AGAP1: variants seen among roughly 807,000 people sequenced by gnomAD.
AGAP1 encodes the protein ArfGAP with GTPase domain, ankyrin repeat and PH domain 1.
A neutral mutation model predicts 105.3 loss-of-function variants in AGAP1; 29 were observed. The ratio of observed to expected loss-of-function variants is 0.28; its 90% confidence interval spans 0.21 to 0.38. The LOEUF is 0.38. Ranked by LOEUF, AGAP1 falls within the 10% of genes least tolerant of loss-of-function variation. The probability of loss-of-function intolerance (pLI) is 1.00; values close to 1 mark genes in which losing one functional copy is unlikely to be tolerated. For missense variants in AGAP1, 998 were observed against 1,165.1 expected, an observed-to-expected ratio of 0.86 and a Z score of 2.09; for synonymous variants, 509 against 485.9, an observed-to-expected ratio of 1.05 and a Z score of -0.63.
rs1487136025 is a variant in AGAP1, at chr2:236,126,862, C to G, written c.*2740C>G. On this transcript the variant is annotated 3_prime_UTR_variant, in exon 18 of 18. Transcript: ENST00000304032. ...AAGTCCTTTCTTTGCGGACCGCACT[C>G]TCGTTCCCACTTTCAAGCTAATTAC... 2 of 152,238 alleles carry G rather than the reference C, an allele frequency of 1.3e-5. No individual in the cohort carries two copies. The highest frequency in any genetic ancestry group is 2.9e-5 in the Non-Finnish European group (2 of 68,066). The allele number at this position is 152,238 out of a possible 1,614,324, so 9.4% of individuals were successfully genotyped here.
chr2:236,083,137 G>A lies in AGAP1; in HGVS notation c.2114+33856G>A, dbSNP rs1181930482. 6.6e-6 allele frequency among the ~76,000 whole-genome samples: 1 copy of A among 151,294 alleles called. No individual in the cohort carries two copies. On this transcript the variant is annotated intron_variant, in intron 16 of 17. Transcript: ENST00000304032. This position sits in a 1 kb window ranked among gnomAD's most constrained non-coding sequence, Gnocchi z 5.3. ...GCCATTGCACTCCAGCCTAGGCAAC[G>A]AGCGAAATTCCATCTCAAAAAAAAA...
In AGAP1 at chr2:236,114,218, T is replaced by G. The variant is rs1456580132; in HGVS notation, c.2115-5974T>G. The stretch of plus-strand genomic sequence containing the variant: ...CGGCTGCCTGCTCTTGAACTGGCCT[T>G]CCTTGGGGAAAATGAAAGGCTCAGC... On this transcript the variant is annotated intron_variant, in intron 16 of 17. Transcript: ENST00000304032. The surrounding 1 kb of genome is among the most constrained non-coding windows in gnomAD (Gnocchi z 5.0). 6.6e-6 allele frequency among the ~76,000 whole-genome samples: 1 copy of G among 152,090 alleles called. No homozygotes were observed.
chr2:235,694,909 G>T (rs535579392), intron 1 of AGAP1, among the ~76,000 whole-genome samples: 1 of 152,174 alleles, frequency 6.6e-6, no homozygotes, highest in East Asian at 1.9e-4. Context: ...CGGCTTCTTC[G>T]CAGTTTCACC....
Position 235,989,936 on chromosome 2 carries a change from C to A in AGAP1, c.1645+21313C>A, listed in dbSNP as rs1211769737. Among the ~76,000 whole-genome samples the A allele has an allele frequency of 4.6e-5, 7 of 152,038 alleles. No individual in the cohort carries two copies. The highest frequency in any genetic ancestry group is 1.0e-4 in the Non-Finnish European group (7 of 68,014). Reference sequence around the variant, plus strand: ...AGCAATCTGGACAGTTTAGATCATTCAAATGCGTAGCCGGGGTTGGGAACC... The same window carrying A: ...AGCAATCTGGACAGTTTAGATCATTAAAATGCGTAGCCGGGGTTGGGAACC... On this transcript the variant is annotated intron_variant, in intron 13 of 17. Coordinates refer to ENST00000304032, the MANE Select transcript of AGAP1 (RefSeq NM_001037131.3). The surrounding 1 kb of genome is among the most constrained non-coding windows in gnomAD (Gnocchi z 4.4).
At chr2:236,077,665 G>A (rs528013419) in intron 16 of AGAP1, among the ~76,000 whole-genome samples, 64 of 152,188 alleles carry the variant, frequency 4.2e-4, no homozygotes, top group African/African-American at 1.3e-3. Context: ...ACAATAATCC[G>A]TCCATGGTTG....
rs755517826 is a variant in AGAP1, at chr2:235,981,576, CAG to C, written c.1645+12955_1645+12956del. Among the ~76,000 whole-genome samples the C allele has an allele frequency of 9.9e-5, 15 of 152,084 alleles. No homozygotes were observed. The highest frequency in any genetic ancestry group is 2.2e-4 in the Non-Finnish European group (15 of 68,016). On this transcript the variant is annotated intron_variant, in intron 13 of 17. Transcript: ENST00000304032. This position sits in a 1 kb window ranked among gnomAD's most constrained non-coding sequence, Gnocchi z 5.5. ...TTCAAAGAGGAAATCAATCACGAAA[CAG>C]AAACTCAGAGTTGACAATCTATTAG...
intron 1 of AGAP1, among the ~76,000 whole-genome samples, chr2:235,685,891 A>G (rs78420957): frequency 0.017 from 2,631 of 152,240 alleles, 68 homozygotes; most frequent in African/African-American, 0.059. Context: ...TGAGACACCA[A>G]TCAATACATG....
intron 1 of AGAP1, among the ~76,000 whole-genome samples, chr2:235,527,118 A>T (rs1439303361): frequency 1.3e-5 from 2 of 152,130 alleles, no homozygotes; most frequent in Non-Finnish European, 2.9e-5. Context: ...CAGTAGAAAT[A>T]GATAAAGGAT....
At chr2:236,049,872 A>G (rs2057844656) in intron 16 of AGAP1, 1 of 152,558 alleles carries the variant, frequency 6.6e-6, no homozygotes, top group Non-Finnish European at 1.5e-5. Flanking sequence ...ATTTACAGCT[A>G]TTATAAACTG....
rs1417709051 is a variant in AGAP1, at chr2:235,957,465, CT to C, written c.1484-10996del. ...GCCCCCTGCCGTGTCCCCGCTGCCC[CT>C]CTGACATTGTGTACCTCTGTGTGAG... On this transcript the variant is annotated intron_variant, in intron 12 of 17. Coordinates refer to ENST00000304032, the MANE Select transcript of AGAP1 (RefSeq NM_001037131.3). The surrounding 1 kb of genome is among the most constrained non-coding windows in gnomAD (Gnocchi z 4.6). Among the ~76,000 whole-genome samples the C allele has an allele frequency of 6.6e-6, 1 of 152,210 alleles. No individual in the cohort carries two copies. The highest frequency in any genetic ancestry group is 1.5e-5 in the Non-Finnish European group (1 of 68,036).
intron 1 of AGAP1, among the ~76,000 whole-genome samples, chr2:235,588,280 TAAATG>T (rs1219543793): frequency 5.3e-5 from 8 of 151,964 alleles, no homozygotes; most frequent in Non-Finnish European, 7.4e-5. Context: ...CTGCCAGTGT[TAAATG>T]AAAATTGTTA....
chr2:235,668,276 T>A (rs763866487), intron 1 of AGAP1, among the ~76,000 whole-genome samples: 10 of 152,242 alleles, frequency 6.6e-5, no homozygotes, highest in Non-Finnish European at 4.4e-5. Context: ...AAATCTAGAT[T>A]TCCTAGGCTA....
chr2:235,509,645 A>G (rs1246568800), intron 1 of AGAP1, among the ~76,000 whole-genome samples: 1 of 151,884 alleles, frequency 6.6e-6, no homozygotes, highest in Non-Finnish European at 1.5e-5. Flanking sequence ...CCCGACCCCA[A>G]CACTTCCTCA....
chr2:235,685,180 T>C (rs1253656194), intron 1 of AGAP1, among the ~76,000 whole-genome samples: 1 of 152,016 alleles, frequency 6.6e-6, no homozygotes, highest in African/African-American at 2.4e-5. Context: ...CTTTCTTTAT[T>C]ACCCTGATGA....
Position 236,103,094 on chromosome 2 carries a change from G to C in AGAP1, c.2115-17098G>C, listed in dbSNP as rs2059400124. 3.4e-5 allele frequency among the ~76,000 whole-genome samples: 5 copies of C among 146,698 alleles called. No individual in the cohort carries two copies. The South Asian group carries it at 1.1e-3, about 31-fold the overall frequency. ...GCCTGCATTCTGACCGTGACTCCCA[G>C]AAGACTCAGCCCCCTGCACAGCGCC... On this transcript the variant is annotated intron_variant, in intron 16 of 17. Coordinates refer to ENST00000304032, the MANE Select transcript of AGAP1 (RefSeq NM_001037131.3).
At chr2:235,972,528 A>T (rs1427775964) in intron 13 of AGAP1, among the ~76,000 whole-genome samples, 4 of 152,102 alleles carry the variant, frequency 2.6e-5, no homozygotes, top group African/African-American at 9.7e-5. Context: ...GGAGAGGGCA[A>T]CTATTTGGGA....
intron 6 of AGAP1, among the ~76,000 whole-genome samples, chr2:235,782,420 G>A (rs1052693989): frequency 5.3e-5 from 8 of 152,184 alleles, no homozygotes; most frequent in Non-Finnish European, 7.3e-5. Flanking sequence ...TTCACAAGCT[G>A]TAATTTGCCT....
Position 235,732,084 on chromosome 2 carries a change from C to T in AGAP1, c.311-8879C>T, listed in dbSNP as rs971071213. The stretch of plus-strand genomic sequence containing the variant: ...TCTGTGTCACATTTTCCTGGTGTAT[C>T]GCGTGCACTTTTGATCTGCGGATTC... On this transcript the variant is annotated intron_variant, in intron 3 of 17. Coordinates refer to ENST00000304032, the MANE Select transcript of AGAP1 (RefSeq NM_001037131.3). This position sits in a 1 kb window ranked among gnomAD's most constrained non-coding sequence, Gnocchi z 4.8. 2.0e-5 allele frequency among the ~76,000 whole-genome samples: 3 copies of T among 152,178 alleles called. No individual in the cohort carries two copies. The highest frequency in any genetic ancestry group is 6.5e-5 in the Admixed American group (1 of 15,280).
At chr2:235,790,289 A>G (rs1956896404) in intron 6 of AGAP1, among the ~76,000 whole-genome samples, 1 of 152,172 alleles carries the variant, frequency 6.6e-6, no homozygotes, top group South Asian at 2.1e-4. Context: ...TCATCAGATG[A>G]CACATAATTA....
Sources: allele counts gnomAD v4.1 joint callset (sites outside exome capture counted in the v4.1 genomes callset), GRCh38; gene constraint gnomAD v4.1.1; non-coding constraint Gnocchi (gnomAD v3.1); transcripts MANE v1.5; gene names NCBI Gene and HGNC (gene_info 2026-07-23, HGNC 2026-07-21).